FAIM: variants seen among roughly 807,000 people sequenced by gnomAD.
FAIM encodes fas apoptotic inhibitory molecule 1.
Under a neutral mutation model 21.2 loss-of-function variants are expected in FAIM, and 14 were observed. That is an observed-to-expected ratio of 0.66 (90% confidence interval 0.44 to 1.03). FAIM has a LOEUF of 1.03. Among genes scored for constraint, FAIM ranks in the 50% least tolerant of loss-of-function variants. FAIM has a pLI of 0.00. For synonymous variants in FAIM, 86 were observed against 80.4 expected (o/e 1.07, Z -0.37); for missense variants, 222 against 247.1 (o/e 0.90, Z 0.68).
intron 1 of FAIM, among the ~76,000 whole-genome samples, chr3:138,617,433 T>A (rs942703468): frequency 4.8e-5 from 7 of 147,196 alleles, no homozygotes; most frequent in Non-Finnish European, 7.5e-5. Flanking sequence ...AAATATAATA[T>A]GTATATAAAT....
At chr3:138,621,292 C>T in intron 2 of FAIM, 115 bp from the exon 3 acceptor site, 1 of 1,117,176 alleles carries the variant, frequency 9.0e-7, no homozygotes, top group Non-Finnish European at 1.3e-6. Context: ...GGTACTGTCA[C>T]TTTAATATTT....
At chr3:138,629,208 A>G (rs985228050) in intron 5 of FAIM, 52 bp downstream of exon 5, 1 of 1,396,330 alleles carries the variant, frequency 7.2e-7, no homozygotes, top group African/African-American at 1.5e-5. Flanking sequence ...GTTACCATTG[A>G]ATTGTTGCTG....
At chr3:138,609,533 ACTCTCTCTCTCTCTCTCTCTCT>A (rs1286573079) in intron 1 of FAIM, among the ~76,000 whole-genome samples, 2 of 3,362 alleles carry the variant, frequency 5.9e-4, no homozygotes, top group Non-Finnish European at 6.2e-4. Context: ...AAGTGCTGAA[ACTCTCTCTCTCTCTCTCTCTCT>A]CTCTCTCTCT....
intron 4 of FAIM, among the ~76,000 whole-genome samples, chr3:138,626,081 C>T (rs2042936276): frequency 6.6e-6 from 1 of 152,172 alleles, no homozygotes; most frequent in South Asian, 2.1e-4. Flanking sequence ...ATAGCATTTA[C>T]AGAACATAAC....
At chr3:138,610,928 C>T (rs1369740974) in intron 1 of FAIM, 4 of 1,591,278 alleles carry the variant, frequency 2.5e-6, no homozygotes, top group Non-Finnish European at 3.4e-6. Flanking sequence ...GGCAGAGCTA[C>T]GACCCTTCCT....
intron 4 of FAIM, among the ~76,000 whole-genome samples, chr3:138,628,673 TG>T (rs2042968234): frequency 6.6e-6 from 1 of 151,850 alleles, no homozygotes; most frequent in Non-Finnish European, 1.5e-5. Flanking sequence ...TTAGTAGAGA[TG>T]GGGTTTCACC....
intron 5 of FAIM, chr3:138,630,406 C>T (rs1270958982): frequency 1.3e-5 from 2 of 152,108 alleles, no homozygotes; most frequent in African/African-American, 4.8e-5. Flanking sequence ...GACCCTTGAG[C>T]CTAGGAGTTT....
At chr3:138,628,598 CCTCAGCCT>C (rs2042966813) in intron 4 of FAIM, among the ~76,000 whole-genome samples, 1 of 152,038 alleles carries the variant, frequency 6.6e-6, no homozygotes, top group Non-Finnish European at 1.5e-5. Context: ...CATTCTCCTG[CCTCAGCCT>C]CCCAAGTAGC....
chr3:138,622,614 T>G (rs1391862856), intron 4 of FAIM, among the ~76,000 whole-genome samples, 198 bp downstream of exon 4: 1 of 152,196 alleles, frequency 6.6e-6, no homozygotes, highest in African/African-American at 2.4e-5. Context: ...GTGTGTATAT[T>G]GTCCAGCAGG....
chr3:138,626,752 T>C (rs560441908), intron 4 of FAIM, among the ~76,000 whole-genome samples: 1 of 152,332 alleles, frequency 6.6e-6, no homozygotes, highest in African/African-American at 2.4e-5. Context: ...AAAGACTAAT[T>C]GTATTTGTCA....
rs113869910 is a variant in FAIM, at chr3:138,622,045, G to T, written c.178-143G>T. 1.0e-4 allele frequency: 68 copies of T among 671,604 alleles called. 1 individual carries two copies. The highest frequency in any genetic ancestry group is 1.5e-4 in the Non-Finnish European group (64 of 418,060). The allele number at this position is 671,604 out of a possible 1,614,324, so 41.6% of individuals were successfully genotyped here. On this transcript the variant is annotated intron_variant, in intron 3 of 5. Transcript: ENST00000360570. ...TCCGCCCGCCTCAGCCTCCCAAAGC[G>T]CTGGGATTACAGGCATGAGCCACCA...
chr3:138,609,738 A>C (rs111547216), intron 1 of FAIM, among the ~76,000 whole-genome samples: 36 of 151,564 alleles, frequency 2.4e-4, no homozygotes, highest in Non-Finnish European at 4.7e-4. Flanking sequence ...TTTCTCCCTG[A>C]TGGTGAGCGT....
At position 138,622,352 on chromosome 3, in the gene FAIM, C is replaced by T. The variant is rs759787091; in HGVS notation, c.342C>T (p.Asp114=). 2 of 1,613,172 alleles carry T rather than the reference C, an allele frequency of 1.2e-6. No homozygotes were observed. The highest frequency in any genetic ancestry group is 2.2e-5 in the South Asian group (2 of 90,878). ...NGKSLKKYME[D]RSKTTNTWVL... ...AAAGTCTCAAGAAGTATATGGAGGA[C>T]AGATCAAAAACCACCAATACTTGGG... Residue 114 remains aspartate (D), a synonymous_variant, in exon 4 of 6, where the codon GAC becomes GAT. Coordinates refer to ENST00000360570, the MANE Select transcript of FAIM (RefSeq NM_001033031.2).
chr3:138,616,635 A>G (rs1057252187), intron 1 of FAIM, among the ~76,000 whole-genome samples: 5 of 152,206 alleles, frequency 3.3e-5, no homozygotes, highest in Middle Eastern at 3.2e-3. Context: ...CGGGGATTAC[A>G]GGGATGAGCC....
intron 4 of FAIM, among the ~76,000 whole-genome samples, chr3:138,623,995 T>G (rs7645632): frequency 0.048 from 7,362 of 152,270 alleles, 574 homozygotes; most frequent in African/African-American, 0.17. Context: ...CTATTCTCCA[T>G]TGTTTTAAAT....
At chr3:138,614,447 C>CA (rs568035922) in intron 1 of FAIM, among the ~76,000 whole-genome samples, 169 of 148,946 alleles carry the variant, frequency 1.1e-3, no homozygotes, top group African/African-American at 2.6e-3. Context: ...TCTCAAAAAA[C>CA]AAAAAAAAAG....
chr3:138,631,982 C>T lies in FAIM; in HGVS notation c.457-948C>T, dbSNP rs748161546. On this transcript the variant is annotated intron_variant, in intron 5 of 5. Coordinates refer to ENST00000360570, the MANE Select transcript of FAIM (RefSeq NM_001033031.2). ...GCCTTGTTCTATCTACTTTGGCTGC[C>T]AGGAAGCTAATAGCCAGGGGGTTTA... 1.8e-4 allele frequency among the ~76,000 whole-genome samples: 27 copies of T among 152,126 alleles called. No homozygotes were observed. In the Middle Eastern group the frequency reaches 0.014, roughly 77 times the overall value.
At position 138,612,645 on chromosome 3, in the gene FAIM, T is replaced by C. The variant is rs373942674; in HGVS notation, c.-17+3708T>C. Among the ~76,000 whole-genome samples, 4 of 152,328 alleles carry C rather than the reference T, an allele frequency of 2.6e-5. No individual in the cohort carries two copies. The South Asian group carries it at 6.2e-4, about 24-fold the overall frequency. ...TATTGGAAAATGCTACAATGAACAA[T>C]AGTATACAGGTGTCTGAGTGGCTGA... On this transcript the variant is annotated intron_variant, in intron 1 of 5. Transcript: ENST00000360570.
rs543788516 is a variant in FAIM, at chr3:138,624,092, A to T, written c.406+1676A>T. Reference sequence around the variant, plus strand: ...CTTATCCCTTATATTTCCAAATTTCATAGTGATATGTTTAGGAATATAGTT... The same window carrying T: ...CTTATCCCTTATATTTCCAAATTTCTTAGTGATATGTTTAGGAATATAGTT... On this transcript the variant is annotated intron_variant, in intron 4 of 5. Coordinates refer to ENST00000360570, the MANE Select transcript of FAIM (RefSeq NM_001033031.2). Among the ~76,000 whole-genome samples the T allele has an allele frequency of 2.0e-5, 3 of 152,224 alleles. No homozygotes were observed. The East Asian group carries it at 5.8e-4, about 29-fold the overall frequency.
Sources: allele counts gnomAD v4.1 joint callset (sites outside exome capture counted in the v4.1 genomes callset), GRCh38; gene constraint gnomAD v4.1.1; transcripts MANE v1.5; gene names NCBI Gene and HGNC (gene_info 2026-07-23, HGNC 2026-07-21).